The following DUSP13B variants were observed in gnomAD, a reference collection of about 807,000 sequenced individuals.
The protein encoded by DUSP13B is dual specificity protein phosphatase 13B.
At chr10:75,094,896 T>A in the DUSP13B span, 1 of 1,611,770 alleles carries the variant, frequency 6.2e-7, no homozygotes, top group Non-Finnish European at 8.5e-7. Flanking sequence ...GAGAACCAAC[T>A]TAGCATCAGC....
At chr10:75,095,825 A>T in the DUSP13B span, 2 of 1,604,492 alleles carry the variant, frequency 1.2e-6, no homozygotes, top group East Asian at 4.5e-5. Flanking sequence ...GGGTTAGGAG[A>T]GTGGAGGTAG....
chr10:75,101,218 T>A, the DUSP13B span, among the ~76,000 whole-genome samples: 1 of 152,160 alleles, frequency 6.6e-6, no homozygotes. Flanking sequence ...CTTGCAGCTA[T>A]GTGGTCTTGT....
At chr10:75,099,692 C>T in the DUSP13B span, 1 of 452,958 alleles carries the variant, frequency 2.2e-6, no homozygotes, top group African/African-American at 2.0e-5. Context: ...CCGTTGGTTC[C>T]ATAAACCTCC....
chr10:75,095,799 G>C, the DUSP13B span: 50 of 1,613,946 alleles, frequency 3.1e-5, no homozygotes, highest in African/African-American at 5.7e-4. Context: ...TGCGTACCTG[G>C]AGGAGAGGGC....
chr10:75,105,743 C>T, the DUSP13B span: 9 of 1,554,342 alleles, frequency 5.8e-6, no homozygotes, highest in East Asian at 2.2e-4. Flanking sequence ...TTGGGGAAGA[C>T]CCATCGGTGC....
At chr10:75,103,106 G>A in the DUSP13B span, among the ~76,000 whole-genome samples, 5 of 152,318 alleles carry the variant, frequency 3.3e-5, no homozygotes, top group African/African-American at 1.2e-4. Flanking sequence ...AGCAACTGGA[G>A]TGAGACCCTC....
chr10:75,100,685 T>TC, the DUSP13B span, among the ~76,000 whole-genome samples: 1 of 152,124 alleles, frequency 6.6e-6, no homozygotes, highest in East Asian at 1.9e-4. Flanking sequence ...CCTTCCTGCC[T>TC]CCCCCGCTCA....
At chr10:75,108,143 G>C in the DUSP13B span, 1 of 1,613,232 alleles carries the variant, frequency 6.2e-7, no homozygotes, top group South Asian at 1.1e-5. Context: ...AGAGGCCCTT[G>C]TGGGCGGCGT....
chr10:75,104,568 G>T, the DUSP13B span, among the ~76,000 whole-genome samples: 2 of 152,186 alleles, frequency 1.3e-5, no homozygotes, highest in African/African-American at 4.8e-5. Flanking sequence ...CTGATGCTCC[G>T]CCAGGTTCCT....
the DUSP13B span, chr10:75,101,729 T>A: frequency 2.1e-6 from 1 of 487,242 alleles, no homozygotes. Flanking sequence ...TGTCTGCGCC[T>A]TCATCTCTGA....
chr10:75,105,613 T>G, the DUSP13B span: 1 of 1,504,304 alleles, frequency 6.6e-7, no homozygotes, highest in Non-Finnish European at 9.0e-7. Context: ...GGCCCTCACC[T>G]GGCCTCTTCC....
At chr10:75,096,576 CA>C in the DUSP13B span, among the ~76,000 whole-genome samples, 2,705 of 80,816 alleles carry the variant, frequency 0.033, 77 homozygotes, top group Admixed American at 0.16. Flanking sequence ...GACCCCGCCT[CA>C]AAAAAAAAAA....
chr10:75,094,687 C>T, the DUSP13B span: 7 of 1,613,808 alleles, frequency 4.3e-6, no homozygotes, highest in African/African-American at 6.7e-5. Flanking sequence ...CAGAACCGCC[C>T]CGTCTCCCGC....
the DUSP13B span, chr10:75,107,873 G>A: frequency 7.8e-4 from 959 of 1,230,866 alleles, 1 homozygote; most frequent in Non-Finnish European, 1.0e-3. Context: ...CACCACACAC[G>A]GCCTAAGCAG....
the DUSP13B span, chr10:75,094,799 G>A: frequency 1.9e-5 from 30 of 1,614,208 alleles, no homozygotes; most frequent in Non-Finnish European, 2.5e-5. Flanking sequence ...CCAGCGTCAT[G>A]TTCTCACAGA....
chr10:75,107,057 C>T, the DUSP13B span, among the ~76,000 whole-genome samples: 102 of 152,066 alleles, frequency 6.7e-4, no homozygotes, highest in Non-Finnish European at 1.1e-3. Context: ...CTTTGGGGGC[C>T]GGGTGCGGTG....
At chr10:75,102,177 G>C in the DUSP13B span, among the ~76,000 whole-genome samples, 1 of 152,246 alleles carries the variant, frequency 6.6e-6, no homozygotes, top group Non-Finnish European at 1.5e-5. Context: ...GTACATGTAT[G>C]TTGATAGTGG....
chr10:75,097,477 T>G, the DUSP13B span, among the ~76,000 whole-genome samples: 6 of 152,260 alleles, frequency 3.9e-5, no homozygotes, highest in Admixed American at 2.0e-4. Flanking sequence ...CCCAAAGTGC[T>G]GGGATTACAG....
the DUSP13B span, chr10:75,108,066 A>T: frequency 5.0e-6 from 8 of 1,613,908 alleles, no homozygotes; most frequent in Non-Finnish European, 6.8e-6. Context: ...AAAATCAGGG[A>T]GGTCGTGGGC....
Sources: gnomAD v4.1 joint callset for allele counts (sites outside exome capture counted in the v4.1 genomes callset) on GRCh38, gnomAD v4.1.1 for gene constraint, MANE v1.5 for transcripts, NCBI Gene and HGNC (gene_info 2026-07-23, HGNC 2026-07-21) for gene names.